The following VPS13B variants were observed in gnomAD, a reference collection of about 807,000 sequenced individuals.
VPS13B encodes vacuolar protein sorting 13 homolog B.
In VPS13B, 285 loss-of-function variants were observed where a neutral mutation model predicts 426.4. That is an observed-to-expected ratio of 0.67 (90% CI 0.61 to 0.74). VPS13B has a LOEUF of 0.74. Among genes scored for constraint, VPS13B ranks in the 30% least tolerant of loss-of-function variants. VPS13B has a pLI of 0.00. For missense variants in VPS13B, 4,537 were observed against 4,782.6 expected, an observed-to-expected ratio of 0.95 and a Z score of 1.51; for synonymous variants, 1,676 against 1,676.4, an observed-to-expected ratio of 1.00 and a Z score of 0.01.
intron 19 of VPS13B, among the ~76,000 whole-genome samples, chr8:99,281,030 A>C (rs1819143797): frequency 6.6e-6 from 1 of 152,154 alleles, no homozygotes; most frequent in African/African-American, 2.4e-5. Context: ...GACCTGCTTC[A>C]TGGAAGACAA....
At chr8:99,196,330 A>AT (rs953395506) in intron 17 of VPS13B, among the ~76,000 whole-genome samples, 1 of 151,656 alleles carries the variant, frequency 6.6e-6, no homozygotes, top group Non-Finnish European at 1.5e-5. Context: ...GTTTTCCTAA[A>AT]TTTTTTTTGG....
chr8:99,322,666 T>A (rs945985009), intron 19 of VPS13B, among the ~76,000 whole-genome samples: 3 of 152,174 alleles, frequency 2.0e-5, no homozygotes, highest in Non-Finnish European at 2.9e-5. Flanking sequence ...TTCCTGGAGA[T>A]GGGAAGTATA....
At chr8:99,315,035 A>G (rs1003635920) in intron 19 of VPS13B, among the ~76,000 whole-genome samples, 3 of 152,142 alleles carry the variant, frequency 2.0e-5, no homozygotes, top group Admixed American at 1.3e-4. Flanking sequence ...TGTCGGCAGC[A>G]TATAGTTAGA....
At chr8:99,831,342 A>G (rs1367119665) in intron 51 of VPS13B, among the ~76,000 whole-genome samples, 1 of 152,100 alleles carries the variant, frequency 6.6e-6, no homozygotes, top group African/African-American at 2.4e-5. Context: ...AATTGCTAGG[A>G]TTACAGACAT....
intron 34 of VPS13B, among the ~76,000 whole-genome samples, chr8:99,647,234 T>C (rs1829613424): frequency 6.6e-6 from 1 of 152,110 alleles, no homozygotes. Context: ...TATATAGAAA[T>C]CATATAAAAA....
intron 15 of VPS13B, among the ~76,000 whole-genome samples, chr8:99,157,425 A>G (rs1811421388): frequency 1.3e-5 from 2 of 152,020 alleles, no homozygotes; most frequent in South Asian, 2.1e-4. Flanking sequence ...TTATTATTTT[A>G]GCATTGTGAT....
chr8:99,158,603 C>T (rs887122581), intron 15 of VPS13B, among the ~76,000 whole-genome samples: 2 of 152,156 alleles, frequency 1.3e-5, no homozygotes, highest in African/African-American at 4.8e-5. Flanking sequence ...TTCTGAAAAT[C>T]CAAAGTGCTT....
chr8:99,610,403 C>G (rs890385578), intron 33 of VPS13B, among the ~76,000 whole-genome samples: 1 of 152,110 alleles, frequency 6.6e-6, no homozygotes, highest in Non-Finnish European at 1.5e-5. Flanking sequence ...TGGAATACTA[C>G]GCAGTCATAA....
intron 39 of VPS13B, among the ~76,000 whole-genome samples, chr8:99,742,122 A>G (rs1235381838): frequency 2.6e-5 from 4 of 152,266 alleles, no homozygotes; most frequent in Non-Finnish European, 5.9e-5. Flanking sequence ...AATAGACTCA[A>G]TGAAAAATGA....
At chr8:99,388,503 G>C (rs895626083) in intron 20 of VPS13B, among the ~76,000 whole-genome samples, 1 of 152,058 alleles carries the variant, frequency 6.6e-6, no homozygotes, top group Non-Finnish European at 1.5e-5. Flanking sequence ...ACATTTTTGG[G>C]TTAAAGATAG....
intron 17 of VPS13B, among the ~76,000 whole-genome samples, chr8:99,236,124 C>T (rs1274827029): frequency 6.6e-6 from 1 of 152,202 alleles, no homozygotes. Context: ...CTTCAAAGCA[C>T]TACTGTTTTT....
chr8:99,661,217 CACAA>C (rs1830210833), intron 34 of VPS13B, 133 bp from the exon 35 acceptor site: 5 of 1,079,716 alleles, frequency 4.6e-6, no homozygotes, highest in East Asian at 5.1e-5. Context: ...ACTGTATGTG[CACAA>C]ACAAATGAAA....
At chr8:99,579,387 AC>A (rs1825934172) in intron 33 of VPS13B, among the ~76,000 whole-genome samples, 1 of 152,148 alleles carries the variant, frequency 6.6e-6, no homozygotes, top group Non-Finnish European at 1.5e-5. Flanking sequence ...TCACAACAAC[AC>A]TACCAGAATT....
chr8:99,802,878 G>T (rs1813198606), intron 43 of VPS13B, among the ~76,000 whole-genome samples: 2 of 152,146 alleles, frequency 1.3e-5, no homozygotes, highest in African/African-American at 4.8e-5. Flanking sequence ...CTCTGGCCCT[G>T]AAGAAATCAC....
In VPS13B at chr8:99,442,604, A is replaced by G. The variant is rs773717151; in HGVS notation, c.3414A>G (p.Pro1138=). The change falls in exon 23 of 62, where the codon CCA becomes CCG. Residue 1138 remains proline, a synonymous_variant. Transcript: ENST00000357162. ...HKYMEPLQEI[P]FVIPRPILEE... ...ATATGGAACCTCTGCAGGAGATTCC[A>G]TTTGTTATCCCACGACCCATCCTTG... 3 of 1,613,976 alleles carry G rather than the reference A, an allele frequency of 1.9e-6. No individual in the cohort carries two copies. The highest frequency in any genetic ancestry group is 8.5e-7 in the Non-Finnish European group (1 of 1,179,902).
intron 23 of VPS13B, 65 bp from the exon 24 acceptor site, chr8:99,467,349 T>A: frequency 6.8e-7 from 1 of 1,462,834 alleles, no homozygotes; most frequent in Non-Finnish European, 9.6e-7. Context: ...CATTTTACTA[T>A]CAAGTGAAAA....
At position 99,793,504 on chromosome 8, in the gene VPS13B, GAGA is replaced by G. The variant is rs375406083; in HGVS notation, c.7941+9031_7941+9033del. 8.9e-4 allele frequency among the ~76,000 whole-genome samples: 136 copies of G among 152,108 alleles called. 1 individual carries two copies. The highest frequency in any genetic ancestry group is 3.4e-3 in the Middle Eastern group (1 of 294). ...TGAAACAACATCTTTAAATTGCTGA[GAGA>G]AGGTTTAACTTGATAGAGGTCTGTT... is the stretch of plus-strand genomic sequence containing the variant. On this transcript the variant is annotated intron_variant, in intron 43 of 61. Coordinates refer to ENST00000357162, the MANE Select transcript of VPS13B (RefSeq NM_152564.5).
In VPS13B at chr8:99,848,342, AG is replaced by A. The variant is rs535594158; in HGVS notation, c.9943-432del. Among the ~76,000 whole-genome samples the A allele has an allele frequency of 2.0e-5, 3 of 152,336 alleles. No individual in the cohort carries two copies. In the South Asian group the frequency reaches 6.2e-4, roughly 32 times the overall value. ...TATGTTTTTGTGTCCCTAGCCCAGA[AG>A]GACACCCCTATAGAAGTAAGTCAAC... is the stretch of plus-strand genomic sequence containing the variant. On this transcript the variant is annotated intron_variant, in intron 54 of 61. Coordinates refer to ENST00000357162, the MANE Select transcript of VPS13B (RefSeq NM_152564.5).
At chr8:99,335,054 A>G (rs1021189362) in intron 19 of VPS13B, among the ~76,000 whole-genome samples, 9 of 152,186 alleles carry the variant, frequency 5.9e-5, no homozygotes, top group African/African-American at 1.7e-4. Flanking sequence ...TGGTCTATTC[A>G]GAGATTCAAC....
Sources: gnomAD v4.1 joint callset for allele counts (sites outside exome capture counted in the v4.1 genomes callset) on GRCh38, gnomAD v4.1.1 for gene constraint, MANE v1.5 for transcripts, NCBI Gene and HGNC (gene_info 2026-07-23, HGNC 2026-07-21) for gene names.